Variants in ZNF385D observed in about 807,000 individuals in gnomAD.
The protein encoded by ZNF385D is zinc finger protein 385D.
ZNF385D carries 15 observed loss-of-function variants against 35.8 expected under a neutral mutation model. The observed-to-expected ratio is 0.42, with a 90% CI of 0.28 to 0.64. The LOEUF is 0.64. ZNF385D is among the 30% of genes least tolerant of loss of function. ZNF385D has a pLI of 0.23. For missense variants in ZNF385D, 474 were observed against 494.6 expected, an observed-to-expected ratio of 0.96 and a Z score of 0.39; for synonymous variants, 212 against 186.8, an observed-to-expected ratio of 1.13 and a Z score of -1.10.
intron 2 of ZNF385D, among the ~76,000 whole-genome samples, chr3:22,215,063 T>G (rs981682286): frequency 6.6e-5 from 10 of 151,994 alleles, no homozygotes; most frequent in Non-Finnish European, 1.2e-4. Context: ...GTCCCTTTAT[T>G]TCTCAGACCG....
intron 4 of ZNF385D, among the ~76,000 whole-genome samples, chr3:21,491,792 C>T (rs1705443366): frequency 6.6e-6 from 1 of 152,122 alleles, no homozygotes; most frequent in Non-Finnish European, 1.5e-5. Flanking sequence ...AAAATAATTG[C>T]TAAACACTAC....
chr3:21,817,690 G>T (rs1307481043), intron 3 of ZNF385D, among the ~76,000 whole-genome samples: 2 of 152,176 alleles, frequency 1.3e-5, no homozygotes, highest in Non-Finnish European at 2.9e-5. Context: ...TGCTGGAGAG[G>T]ATGTGGAGAA....
chr3:21,742,054 T>A (rs2069539977), intron 1 of ZNF385D, among the ~76,000 whole-genome samples: 1 of 148,426 alleles, frequency 6.7e-6, no homozygotes, highest in Admixed American at 6.6e-5. Context: ...TTCCAAGTTG[T>A]TATTTTTCAA....
chr3:22,108,667 T>C (rs148325072), intron 3 of ZNF385D, among the ~76,000 whole-genome samples: 1 of 152,170 alleles, frequency 6.6e-6, no homozygotes, highest in Non-Finnish European at 1.5e-5. Context: ...GAAGTGAACG[T>C]AGTTTATAAT....
intron 2 of ZNF385D, among the ~76,000 whole-genome samples, chr3:22,351,748 A>C (rs1204824947): frequency 6.6e-6 from 1 of 152,166 alleles, no homozygotes; most frequent in Admixed American, 6.6e-5. Flanking sequence ...CACAGGCTTC[A>C]AGTAATAGTA....
intron 3 of ZNF385D, among the ~76,000 whole-genome samples, chr3:21,885,046 A>G (rs959473003): frequency 6.6e-6 from 1 of 152,054 alleles, no homozygotes; most frequent in Non-Finnish European, 1.5e-5. Context: ...CATGAATCCT[A>G]AATTAGTTAC....
At chr3:22,188,127 T>G (rs1019237149) in intron 2 of ZNF385D, among the ~76,000 whole-genome samples, 1 of 152,180 alleles carries the variant, frequency 6.6e-6, no homozygotes, top group Non-Finnish European at 1.5e-5. Context: ...GGCAGAAACC[T>G]AATTTTCAAA....
intron 3 of ZNF385D, among the ~76,000 whole-genome samples, chr3:22,046,325 A>G (rs1699004582): frequency 6.6e-6 from 1 of 152,262 alleles, no homozygotes; most frequent in Non-Finnish European, 1.5e-5. Flanking sequence ...ATTCCTCACT[A>G]TCGCTATCAC....
chr3:21,684,407 CTCTCTCT>C (rs2067033397), intron 1 of ZNF385D, among the ~76,000 whole-genome samples: 1 of 50,874 alleles, frequency 2.0e-5, no homozygotes. Context: ...TCTCTCTCCT[CTCTCTCT>C]CTCTCTCTCT....
chr3:21,679,070 T>G (rs190476541), intron 1 of ZNF385D, among the ~76,000 whole-genome samples: 2 of 149,994 alleles, frequency 1.3e-5, no homozygotes, highest in East Asian at 2.0e-4. Flanking sequence ...CTACAGAATA[T>G]TCTAAGTGCT....
Position 22,218,843 on chromosome 3 carries a change from G to A in ZNF385D, c.107-49808C>T, listed in dbSNP as rs144525637. ...TCCAGTTTTTCTATTTGTCCTTAAT[G>A]TAGGGTTGATCTGAGATATCTAGGT... is the stretch of plus-strand genomic sequence containing the variant. On this transcript the variant is annotated intron_variant, in intron 2 of 5. Transcript: ENST00000494108. Among the ~76,000 whole-genome samples, 380 of 152,144 alleles carry A rather than the reference G, an allele frequency of 2.5e-3. 3 individuals carry two copies. Among genetic ancestry groups the A allele is most frequent in the African/African-American group, 8.9e-3 (371 of 41,536 alleles).
intron 3 of ZNF385D, among the ~76,000 whole-genome samples, chr3:21,886,339 A>G (rs1227203102): frequency 6.9e-6 from 1 of 145,962 alleles, no homozygotes; most frequent in Non-Finnish European, 1.5e-5. Context: ...AGATTTAGTA[A>G]CCGAATCTGG....
chr3:21,555,866 C>T (rs1226391539), intron 3 of ZNF385D, among the ~76,000 whole-genome samples: 1 of 152,148 alleles, frequency 6.6e-6, no homozygotes, highest in East Asian at 1.9e-4. Flanking sequence ...ACATCCTCTT[C>T]AGCATGTGTC....
At chr3:22,204,910 G>A (rs1334703515) in intron 2 of ZNF385D, among the ~76,000 whole-genome samples, 2 of 147,944 alleles carry the variant, frequency 1.4e-5, no homozygotes, top group Non-Finnish European at 3.0e-5. Flanking sequence ...GCCATAAAGA[G>A]AGGATAGAGA....
At chr3:21,970,965 G>C (rs1703216814) in intron 3 of ZNF385D, among the ~76,000 whole-genome samples, 2 of 151,958 alleles carry the variant, frequency 1.3e-5, no homozygotes, top group African/African-American at 4.8e-5. Context: ...ACTATATCCA[G>C]TAAAAATGTT....
At chr3:22,013,866 G>C (rs1241798217) in intron 3 of ZNF385D, among the ~76,000 whole-genome samples, 1 of 152,016 alleles carries the variant, frequency 6.6e-6, no homozygotes, top group Non-Finnish European at 1.5e-5. Context: ...AGCCAACTGG[G>C]CTGAAGGTTC....
intron 2 of ZNF385D, among the ~76,000 whole-genome samples, chr3:21,611,473 A>G (rs2064676583): frequency 6.6e-6 from 1 of 152,230 alleles, no homozygotes; most frequent in African/African-American, 2.4e-5. Context: ...AGACTTTAGT[A>G]ACCACATGAG....
chr3:22,074,913 G>A (rs979398057), intron 3 of ZNF385D, among the ~76,000 whole-genome samples: 21 of 151,870 alleles, frequency 1.4e-4, no homozygotes, highest in East Asian at 3.9e-4. Context: ...CATGAGCAAC[G>A]TCACCATCAC....
intron 1 of ZNF385D, among the ~76,000 whole-genome samples, chr3:21,733,835 A>T (rs1381927618): frequency 1.3e-5 from 2 of 152,124 alleles, no homozygotes; most frequent in East Asian, 3.8e-4. Context: ...TATTTATTTA[A>T]GAGTTTCTGT....
Sources: allele counts gnomAD v4.1 joint callset (sites outside exome capture counted in the v4.1 genomes callset), GRCh38; gene constraint gnomAD v4.1.1; transcripts MANE v1.5; gene names NCBI Gene and HGNC (gene_info 2026-07-23, HGNC 2026-07-21).